Variants in ATF7IP observed in about 807,000 individuals in gnomAD.
ATF7IP encodes the protein activating transcription factor 7-interacting protein 1.
In ATF7IP, 23 loss-of-function variants were observed where a neutral mutation model predicts 106.4. That is an observed-to-expected ratio of 0.22 (90% CI 0.16 to 0.31). ATF7IP has a LOEUF of 0.31. Ranked by LOEUF, ATF7IP falls within the 10% of genes least tolerant of loss-of-function variation. The pLI is 1.00. For synonymous variants in ATF7IP, 542 were observed against 539.0 expected (o/e 1.01, Z -0.08); for missense variants, 1,334 against 1,524.3 (o/e 0.88, Z 2.08).
chr12:14,439,123 A>G (rs185185828), intron 5 of ATF7IP, among the ~76,000 whole-genome samples: 22 of 152,322 alleles, frequency 1.4e-4, no homozygotes, highest in African/African-American at 4.8e-4. Context: ...AAATGAGCAC[A>G]CAGTAGTGTG....
At chr12:14,475,714 A>G (rs1438793065) in intron 10 of ATF7IP, among the ~76,000 whole-genome samples, 176 bp from the exon 11 acceptor site, 1 of 152,336 alleles carries the variant, frequency 6.6e-6, no homozygotes, top group Non-Finnish European at 1.5e-5. Flanking sequence ...TGTTTAACAC[A>G]TGAGTATCCT....
intron 1 of ATF7IP, among the ~76,000 whole-genome samples, chr12:14,378,559 G>C (rs1403609006): frequency 1.3e-5 from 2 of 152,222 alleles, no homozygotes; most frequent in Non-Finnish European, 2.9e-5. Context: ...TTGGGGGTTA[G>C]AGATAGATTG....
chr12:14,386,213 A>C (rs1163675524), intron 1 of ATF7IP, among the ~76,000 whole-genome samples: 4 of 152,106 alleles, frequency 2.6e-5, no homozygotes, highest in Admixed American at 6.5e-5. Context: ...TGATTTTGTA[A>C]ATTTAATTTC....
At chr12:14,466,630 A>C in intron 10 of ATF7IP, 40 bp downstream of exon 10, 2 of 1,434,890 alleles carry the variant, frequency 1.4e-6, no homozygotes, top group Non-Finnish European at 1.9e-6. Context: ...AATCCTAATT[A>C]TGGTCCACAG....
intron 13 of ATF7IP, among the ~76,000 whole-genome samples, chr12:14,494,369 C>A: frequency 1.2e-5 from 1 of 86,144 alleles, no homozygotes; most frequent in East Asian, 3.5e-4. Context: ...ACATATGTTT[C>A]CTATATATAG....
At chr12:14,404,045 T>A (rs1940411138) in intron 1 of ATF7IP, among the ~76,000 whole-genome samples, 1 of 152,132 alleles carries the variant, frequency 6.6e-6, no homozygotes, top group Non-Finnish European at 1.5e-5. Context: ...GCAGAGTCAG[T>A]TTTCAGAAAT....
chr12:14,434,169 C>T (rs1942284553), intron 2 of ATF7IP, among the ~76,000 whole-genome samples, 168 bp from the exon 3 acceptor site: 2 of 152,104 alleles, frequency 1.3e-5, no homozygotes, highest in African/African-American at 2.4e-5. Context: ...CGTGGTCATT[C>T]ATTCGATCAG....
chr12:14,481,284 C>G, intron 13 of ATF7IP, 99 bp downstream of exon 13: 1 of 1,094,690 alleles, frequency 9.1e-7, no homozygotes, highest in Non-Finnish European at 1.3e-6. Context: ...GCAAAAATTT[C>G]TTATAATGTC....
intron 4 of ATF7IP, among the ~76,000 whole-genome samples, chr12:14,437,782 G>A (rs972487959): frequency 1.4e-4 from 22 of 152,080 alleles, no homozygotes; most frequent in Non-Finnish European, 3.1e-4. Context: ...GGCCGGGCGC[G>A]GTGGCTCACG....
chr12:14,409,064 A>G (rs140955302), intron 1 of ATF7IP, among the ~76,000 whole-genome samples: 35 of 152,210 alleles, frequency 2.3e-4, no homozygotes, highest in African/African-American at 7.0e-4. Flanking sequence ...AGCTTTGGAC[A>G]CTTAAAATGT....
chr12:14,461,278 A>T (rs1312143838), intron 9 of ATF7IP, 145 bp downstream of exon 9: 2 of 763,958 alleles, frequency 2.6e-6, no homozygotes, highest in East Asian at 5.7e-5. Flanking sequence ...AATTTTTTAG[A>T]TACCTGAGAG....
intron 1 of ATF7IP, among the ~76,000 whole-genome samples, chr12:14,366,157 A>G (rs981529021): frequency 2.6e-5 from 4 of 152,264 alleles, no homozygotes; most frequent in Admixed American, 6.5e-5. Context: ...ACAATTTTCA[A>G]GAAAAACATT....
rs1032043070 is a variant in ATF7IP, at chr12:14,498,678, A to G, written c.*605A>G. The stretch of plus-strand genomic sequence containing the variant: ...TCTGCAATGGCCCCCTCCCTTTCCT[A>G]ATCTGGCTTTTACATTTATTTTGTG... On this transcript the variant is annotated 3_prime_UTR_variant, in exon 15 of 15. Transcript: ENST00000261168. 1.1e-4 allele frequency: 17 copies of G among 152,640 alleles called. No homozygotes were observed. Among genetic ancestry groups the G allele is most frequent in the African/African-American group, 3.9e-4 (16 of 41,464 alleles). The allele number at this position is 152,640 out of a possible 1,614,324, so 9.5% of individuals were successfully genotyped here.
chr12:14,443,707 G>GTGTCAGTC (rs1942817843), intron 5 of ATF7IP, among the ~76,000 whole-genome samples: 1 of 152,160 alleles, frequency 6.6e-6, no homozygotes, highest in African/African-American at 2.4e-5. Context: ...TAGAGCTTTG[G>GTGTCAGTC]TGTCAGTCTT....
At chr12:14,455,787 A>G (rs1943402572) in intron 6 of ATF7IP, among the ~76,000 whole-genome samples, 1 of 151,652 alleles carries the variant, frequency 6.6e-6, no homozygotes, top group Non-Finnish European at 1.5e-5. Flanking sequence ...GGGTTTTGCT[A>G]CGTTGCCCAG....
chr12:14,417,265 A>G (rs574817732), intron 1 of ATF7IP, among the ~76,000 whole-genome samples: 2 of 152,320 alleles, frequency 1.3e-5, no homozygotes, highest in East Asian at 3.9e-4. Flanking sequence ...AGGATGTAGT[A>G]ATTGTACTTA....
intron 1 of ATF7IP, among the ~76,000 whole-genome samples, chr12:14,404,383 C>T (rs1940438083): frequency 6.6e-6 from 1 of 152,066 alleles, no homozygotes; most frequent in African/African-American, 2.4e-5. Flanking sequence ...TAATCATGAC[C>T]ACAGGCATTT....
intron 5 of ATF7IP, among the ~76,000 whole-genome samples, chr12:14,439,065 A>C (rs532841020): frequency 6.6e-6 from 1 of 152,294 alleles, no homozygotes; most frequent in Admixed American, 6.5e-5. Flanking sequence ...ATTTTTTATT[A>C]AGTACAACTA....
intron 1 of ATF7IP, among the ~76,000 whole-genome samples, chr12:14,416,061 TGG>T (rs1403937084): frequency 6.6e-6 from 1 of 152,170 alleles, no homozygotes; most frequent in Non-Finnish European, 1.5e-5. Flanking sequence ...GTCTATTTAA[TGG>T]GCAGTAAGCA....
Sources: gnomAD v4.1 joint callset for allele counts (sites outside exome capture counted in the v4.1 genomes callset) on GRCh38, gnomAD v4.1.1 for gene constraint, MANE v1.5 for transcripts, NCBI Gene and HGNC (gene_info 2026-07-23, HGNC 2026-07-21) for gene names.